The following GC variants were observed in gnomAD, a reference collection of about 807,000 sequenced individuals.
GC encodes vitamin D-binding protein.
A neutral mutation model predicts 56.7 loss-of-function variants in GC; 43 were observed. The observed-to-expected ratio is 0.76, with a 90% CI of 0.59 to 0.98. The LOEUF is 0.98. GC is among the 50% of genes least tolerant of loss of function. The pLI is 0.00. For synonymous variants in GC, 216 were observed against 202.7 expected (o/e 1.07, Z -0.56); for missense variants, 529 against 545.9 (o/e 0.97, Z 0.31).
At chr4:71,776,773 C>G (rs1160484802) in intron 1 of GC, among the ~76,000 whole-genome samples, 2 of 151,744 alleles carry the variant, frequency 1.3e-5, no homozygotes, top group African/African-American at 4.8e-5. Flanking sequence ...TTATAATTTG[C>G]CAATTAAAAA....
intron 1 of GC, among the ~76,000 whole-genome samples, chr4:71,770,284 A>T (rs939556781): frequency 2.0e-5 from 3 of 152,160 alleles, no homozygotes; most frequent in African/African-American, 7.2e-5. Context: ...CGAGCTGGCT[A>T]GGAGTTGTCT....
chr4:71,760,105 G>A (rs1741916568), intron 6 of GC, among the ~76,000 whole-genome samples: 1 of 148,920 alleles, frequency 6.7e-6, no homozygotes. Context: ...GGGCAGTGGT[G>A]CAATCTTGGC....
intron 11 of GC, among the ~76,000 whole-genome samples, chr4:71,748,572 A>T (rs1426740391): frequency 2.6e-5 from 4 of 152,140 alleles, no homozygotes; most frequent in African/African-American, 9.7e-5. Context: ...GCCCTGCCTG[A>T]ATGATGGTAG....
Position 71,754,492 on chromosome 4 carries a change from T to C in GC, c.1181A>G (p.Lys394Arg). The C allele has an allele frequency of 1.3e-6, 2 of 1,561,982 alleles. No individual in the cohort carries two copies. Among genetic ancestry groups the C allele is most frequent in the Non-Finnish European group, 8.8e-7 (1 of 1,134,154 alleles). ...CFNAKGPLLKKELSSFIDKGQ... is the reference protein window; with the variant it reads ...CFNAKGPLLKRELSSFIDKGQ... ...CTTGTCAATGAAAGAAGATAGTTCC[T>C]TCTTTAGTAGAGGGCCCTGTAAGAA... Residue 394 changes from lysine to arginine, a missense_variant, in exon 10 of 13, where the codon AAG becomes AGG. By Grantham distance (26) the Lys-to-Arg change is conservative. Transcript: ENST00000273951.
intron 1 of GC, among the ~76,000 whole-genome samples, chr4:71,798,551 G>A (rs952004704): frequency 1.3e-5 from 2 of 152,110 alleles, no homozygotes; most frequent in Non-Finnish European, 2.9e-5. Flanking sequence ...TCTTTTCTTA[G>A]GGTGGTTGTG....
At position 71,763,895 on chromosome 4, in the gene GC, A is replaced by C. The variant is rs774875503; in HGVS notation, c.515T>G (p.Leu172Arg). The C allele has an allele frequency of 6.2e-7, 1 of 1,610,608 alleles. No homozygotes were observed. The highest frequency in any genetic ancestry group is 1.7e-5 in the Admixed American group (1 of 60,016). The change falls in exon 5 of 13, where the codon CTG becomes CGG. Residue 172 changes from leucine to arginine, a missense_variant. Physicochemically the swap from Leu to Arg is moderately radical, Grantham distance 102 (BLOSUM62 -2). Coordinates refer to ENST00000273951, the MANE Select transcript of GC (RefSeq NM_000583.4). Reference protein sequence around the residue: ...EYSTNYGQAPLSLLVSYTKSY... With the variant: ...EYSTNYGQAPRSLLVSYTKSY... The stretch of plus-strand genomic sequence containing the variant: ...CTTGGTGTAACTGACTAAAAGTGAC[A>C]GAGGAGCTTGTCCGTAATTAGTGGA...
intron 11 of GC, among the ~76,000 whole-genome samples, chr4:71,749,055 T>C (rs1187131581): frequency 6.6e-6 from 1 of 152,104 alleles, no homozygotes; most frequent in Non-Finnish European, 1.5e-5. Flanking sequence ...TAAAGTAAAG[T>C]CAGAAAGGAG....
chr4:71,799,682 G>T (rs893177828), intron 1 of GC, among the ~76,000 whole-genome samples: 41 of 152,146 alleles, frequency 2.7e-4, no homozygotes, highest in African/African-American at 9.2e-4. Flanking sequence ...CCAACGTCTT[G>T]AAGATTTTAC....
intron 6 of GC, 57 bp from the exon 7 acceptor site, chr4:71,758,228 C>T (rs369732946): frequency 6.5e-5 from 95 of 1,459,312 alleles, no homozygotes; most frequent in Non-Finnish European, 8.5e-5. Flanking sequence ...TTCTTGGTTT[C>T]GTGATGAACG....
At chr4:71,791,919 G>T (rs1742978773) in intron 1 of GC, among the ~76,000 whole-genome samples, 1 of 152,076 alleles carries the variant, frequency 6.6e-6, no homozygotes, top group African/African-American at 2.4e-5. Flanking sequence ...TGCGGTGTTT[G>T]CTTTTCTGTC....
chr4:71,772,911 A>T (rs1560704164), intron 1 of GC, among the ~76,000 whole-genome samples: 1 of 152,248 alleles, frequency 6.6e-6, no homozygotes, highest in African/African-American at 2.4e-5. Flanking sequence ...TACAAGACAA[A>T]GCCAATGTAT....
At chr4:71,768,741 G>A (rs1048171680) in intron 2 of GC, among the ~76,000 whole-genome samples, 8 of 152,218 alleles carry the variant, frequency 5.3e-5, no homozygotes, top group African/African-American at 1.9e-4. Context: ...TGGGATTACA[G>A]GCGTGAGCCG....
chr4:71,763,422 C>T lies in GC; in HGVS notation c.687G>A (p.Lys229=), dbSNP rs111261486. The T allele has an allele frequency of 1.3e-3, 2,020 of 1,584,002 alleles. 4 individuals are homozygous for T. Among genetic ancestry groups the T allele is most frequent in the Middle Eastern group, 2.0e-3 (12 of 5,994 alleles). Residue 229 remains lysine, a synonymous_variant, in exon 6 of 13, where the codon AAG becomes AAA. Coordinates refer to ENST00000273951, the MANE Select transcript of GC (RefSeq NM_000583.4). The part of the protein sequence containing the change: ...VCSQYAAYGE[K]KSRLSNLIKL... ...TTAATCTTTACCTGAGCCTTGATTT[C>T]TTCTCCCCATAAGCAGCATATTGTG...
At chr4:71,746,359 C>G (rs936481266) in intron 11 of GC, among the ~76,000 whole-genome samples, 154 bp from the exon 12 acceptor site, 6 of 150,812 alleles carry the variant, frequency 4.0e-5, no homozygotes, top group Non-Finnish European at 8.8e-5. Context: ...TATTAGCCAC[C>G]CTTTGCATTT....
At chr4:71,788,137 A>G (rs1373167460), upstream of GC, among the ~76,000 whole-genome samples, 2 of 151,958 alleles carry the variant, frequency 1.3e-5, no homozygotes, top group East Asian at 3.9e-4. Flanking sequence ...TTAAATGCCT[A>G]GAGAAATTTA....
chr4:71,766,293 T>C (rs1742155884), intron 3 of GC, among the ~76,000 whole-genome samples: 1 of 152,140 alleles, frequency 6.6e-6, no homozygotes, highest in Non-Finnish European at 1.5e-5. Flanking sequence ...GGCCTGAAAA[T>C]CTGTTTTTCC....
chr4:71,801,705 T>G (rs1258745520), intron 1 of GC, among the ~76,000 whole-genome samples: 1 of 152,084 alleles, frequency 6.6e-6, no homozygotes, highest in Non-Finnish European at 1.5e-5. Context: ...AAAATATATA[T>G]AAACTTTGCC....
intron 1 of GC, among the ~76,000 whole-genome samples, chr4:71,769,759 C>G (rs1742287123): frequency 6.6e-6 from 1 of 152,158 alleles, no homozygotes; most frequent in Non-Finnish European, 1.5e-5. Flanking sequence ...CCTTCCCTCC[C>G]TCCTTCCCAC....
At chr4:71,763,289 G>A in intron 6 of GC, 119 bp downstream of exon 6, 3 of 446,036 alleles carry the variant, frequency 6.7e-6, no homozygotes, top group South Asian at 1.3e-4. Context: ...GAGATTATTG[G>A]AGCTGAAAAG....
Sources: allele counts gnomAD v4.1 joint callset (sites outside exome capture counted in the v4.1 genomes callset), GRCh38; gene constraint gnomAD v4.1.1; transcripts MANE v1.5; gene names NCBI Gene and HGNC (gene_info 2026-07-23, HGNC 2026-07-21).